The following SUCLG2 variants were observed in gnomAD, a reference collection of about 807,000 sequenced individuals.
SUCLG2 encodes the protein succinate-CoA ligase GDP-forming subunit beta.
A neutral mutation model predicts 47.9 loss-of-function variants in SUCLG2; 42 were observed. The observed-to-expected ratio is 0.88, with a 90% CI of 0.69 to 1.14. The LOEUF is 1.14. Among genes scored for constraint, SUCLG2 ranks in the 50% most tolerant of loss-of-function variants. The pLI is 0.00. For synonymous variants in SUCLG2, 195 were observed against 197.3 expected, an observed-to-expected ratio of 0.99 and a Z score of 0.10; for missense variants, 571 against 525.9, an observed-to-expected ratio of 1.09 and a Z score of -0.84.
rs1007577844 is a variant in SUCLG2 at position 67,617,226 on chromosome 3, G to A, written c.85-7630C>T. On this transcript the variant is annotated intron_variant, in intron 1 of 10. Transcript: ENST00000307227. ...AGAAGGCACTTTAACTGTGCCATCC[G>A]GTAAAAGAGATTAAGTGGAATCCTG... is the stretch of plus-strand genomic sequence containing the variant. Among the ~76,000 whole-genome samples, 8 of 152,084 alleles carry A rather than the reference G, an allele frequency of 5.3e-5. No homozygotes were observed. The East Asian group carries it at 5.8e-4, about 11-fold the overall frequency.
intron 7 of SUCLG2, among the ~76,000 whole-genome samples, chr3:67,500,239 T>C (rs556650851): frequency 6.6e-6 from 1 of 151,488 alleles, no homozygotes; most frequent in Admixed American, 6.5e-5. Flanking sequence ...TGGCTGTATA[T>C]GGCATCTTGG....
chr3:67,448,024 C>T lies in SUCLG2; in HGVS notation c.1063-47173G>A, dbSNP rs565486113. ...GATTACAAGCATGACCCACCGCACC[C>T]GGCTGAGAAAATCTGTTTCAAAAAG... On this transcript the variant is annotated intron_variant, in intron 9 of 10. Coordinates refer to ENST00000307227, the MANE Select transcript of SUCLG2 (RefSeq NM_003848.4). Among the ~76,000 whole-genome samples, 26 of 152,212 alleles carry T rather than the reference C, an allele frequency of 1.7e-4. No individual in the cohort carries two copies. In the East Asian group the frequency reaches 2.3e-3, roughly 14 times the overall value.
At chr3:67,580,164 A>C (rs1338330512) in intron 2 of SUCLG2, among the ~76,000 whole-genome samples, 1 of 152,202 alleles carries the variant, frequency 6.6e-6, no homozygotes, top group African/African-American at 2.4e-5. Context: ...GGAATAAAGA[A>C]TACAACGTAA....
intron 9 of SUCLG2, among the ~76,000 whole-genome samples, chr3:67,451,497 C>T (rs549982823): frequency 1.3e-5 from 2 of 152,262 alleles, no homozygotes; most frequent in African/African-American, 4.8e-5. Context: ...AAGGGAGGTA[C>T]ACCACCATGT....
intron 9 of SUCLG2, among the ~76,000 whole-genome samples, chr3:67,460,054 G>A (rs1559534594): frequency 6.6e-6 from 1 of 152,166 alleles, no homozygotes; most frequent in Non-Finnish European, 1.5e-5. Context: ...CCAGCTGAAA[G>A]GGAGGTGGAA....
chr3:67,377,508 G>A (rs1230708352), intron 10 of SUCLG2, among the ~76,000 whole-genome samples: 2 of 152,190 alleles, frequency 1.3e-5, no homozygotes, highest in African/African-American at 2.4e-5. Flanking sequence ...AAGGGGACAT[G>A]TGACTGAGTT....
At chr3:67,514,111 C>T (rs1456603876) in intron 6 of SUCLG2, 3 of 314,936 alleles carry the variant, frequency 9.5e-6, no homozygotes, top group Middle Eastern at 1.1e-3. Context: ...TAACTGCTGA[C>T]GGCTCATTGA....
chr3:67,375,002 A>G lies in SUCLG2; in HGVS notation c.*742T>C, dbSNP rs1702008647. ...CTTAATAACAGAGATTTCCATAAGA[A>G]TCAGGATTCATTTTTGACACAAAAA... On this transcript the variant is annotated 3_prime_UTR_variant, in exon 11 of 11. Coordinates refer to ENST00000307227, the MANE Select transcript of SUCLG2 (RefSeq NM_003848.4). 1 of 985,692 alleles carries G rather than the reference A, an allele frequency of 1.0e-6. No individual in the cohort carries two copies. Among genetic ancestry groups the G allele is most frequent in the African/African-American group, 1.7e-5 (1 of 57,222 alleles). The allele number at this position is 985,692 out of a possible 1,614,324, so 61.1% of individuals were successfully genotyped here.
chr3:67,611,709 A>G (rs528936876), intron 1 of SUCLG2, among the ~76,000 whole-genome samples: 22 of 152,350 alleles, frequency 1.4e-4, no homozygotes, highest in African/African-American at 5.3e-4. Flanking sequence ...AAACAGCCAC[A>G]ATGTGGTTGT....
intron 9 of SUCLG2, among the ~76,000 whole-genome samples, chr3:67,468,501 T>G (rs1704528305): frequency 6.6e-6 from 1 of 152,152 alleles, no homozygotes; most frequent in Admixed American, 6.5e-5. Flanking sequence ...ATTTCCTGCC[T>G]CTTGGGAGCC....
At chr3:67,409,109 C>A in intron 9 of SUCLG2, 1 of 1,390,912 alleles carries the variant, frequency 7.2e-7, no homozygotes, top group Non-Finnish European at 9.7e-7. Flanking sequence ...CTTTACAATA[C>A]AGATATTTCC....
chr3:67,435,339 C>A (rs1703592074), intron 9 of SUCLG2, among the ~76,000 whole-genome samples: 1 of 152,146 alleles, frequency 6.6e-6, no homozygotes, highest in Admixed American at 6.5e-5. Context: ...GCTTCAAATG[C>A]AAGGTGGCTC....
intron 6 of SUCLG2, among the ~76,000 whole-genome samples, chr3:67,513,165 C>T (rs562266687): frequency 6.9e-6 from 1 of 145,132 alleles, no homozygotes; most frequent in Non-Finnish European, 1.5e-5. Context: ...ATCCATACTG[C>T]AGCATGTGTC....
chr3:67,489,381 T>C (rs1705149205), intron 9 of SUCLG2, among the ~76,000 whole-genome samples: 1 of 152,158 alleles, frequency 6.6e-6, no homozygotes, highest in African/African-American at 2.4e-5. Flanking sequence ...GCAGAGTGAC[T>C]TCCCTAAATA....
At chr3:67,403,501 G>C (rs1330192574) in intron 9 of SUCLG2, among the ~76,000 whole-genome samples, 1 of 150,518 alleles carries the variant, frequency 6.6e-6, no homozygotes, top group Non-Finnish European at 1.5e-5. Flanking sequence ...TTTGGGATAT[G>C]GAGAAGGATG....
chr3:67,545,070 G>C (rs1487807950), intron 2 of SUCLG2, among the ~76,000 whole-genome samples: 2 of 152,110 alleles, frequency 1.3e-5, no homozygotes, highest in Non-Finnish European at 2.9e-5. Context: ...AGCCAGGTAA[G>C]CTAACTCTCC....
chr3:67,623,389 T>C (rs1224364528), intron 1 of SUCLG2, among the ~76,000 whole-genome samples: 1 of 152,052 alleles, frequency 6.6e-6, no homozygotes, highest in Non-Finnish European at 1.5e-5. Flanking sequence ...TAGTCCCAGC[T>C]ACTCAGGAGG....
At position 67,493,613 on chromosome 3, in the gene SUCLG2, T is replaced by G. The variant is rs1163889612; in HGVS notation, c.1062+2185A>C. On this transcript the variant is annotated intron_variant, in intron 9 of 10. Coordinates refer to ENST00000307227, the MANE Select transcript of SUCLG2 (RefSeq NM_003848.4). The stretch of plus-strand genomic sequence containing the variant: ...GAAATCCAATGATTGTCCTGGTAGA[T>G]TTCATCTCTCAGTGGCTCTCTATTA... Among the ~76,000 whole-genome samples, 3 of 152,200 alleles carry G rather than the reference T, an allele frequency of 2.0e-5. No individual in the cohort carries two copies. In the East Asian group the frequency reaches 5.8e-4, roughly 29 times the overall value.
chr3:67,499,678 T>C (rs1157503227), intron 7 of SUCLG2, among the ~76,000 whole-genome samples: 1 of 152,076 alleles, frequency 6.6e-6, no homozygotes, highest in East Asian at 1.9e-4. Flanking sequence ...GTGTAGAAAT[T>C]AGTGTTCTGT....
Sources: gnomAD v4.1 joint callset for allele counts (sites outside exome capture counted in the v4.1 genomes callset) on GRCh38, gnomAD v4.1.1 for gene constraint, MANE v1.5 for transcripts, NCBI Gene and HGNC (gene_info 2026-07-23, HGNC 2026-07-21) for gene names.